Variants in ARL15 observed in about 807,000 individuals in gnomAD.
ARL15 encodes ADP-ribosylation factor-like protein 15.
ARL15 carries 19 observed loss-of-function variants against 25.2 expected under a neutral mutation model. That is an observed-to-expected ratio of 0.75 (90% confidence interval 0.53 to 1.10). ARL15 has a LOEUF of 1.10. Ranked by LOEUF, ARL15 falls within the 50% of genes least tolerant of loss-of-function variation. The pLI is 0.00. For missense variants in ARL15, 220 were observed against 246.0 expected (o/e 0.89, Z 0.71); for synonymous variants, 94 against 86.8 (o/e 1.08, Z -0.46).
Position 54,055,261 on chromosome 5 carries a change from CAT to C in ARL15, c.462+57939_462+57940del, listed in dbSNP as rs576890321. ...ATCTACAGTAAACGGCATAGTATGA[CAT>C]GTGGCCTTTTGTAAATGACTTTCTT... On this transcript the variant is annotated intron_variant, in intron 4 of 4. Coordinates refer to ENST00000504924, the MANE Select transcript of ARL15 (RefSeq NM_019087.3). 4.0e-4 allele frequency among the ~76,000 whole-genome samples: 61 copies of C among 151,060 alleles called. No individual in the cohort carries two copies. In the East Asian group the frequency reaches 0.011, roughly 27 times the overall value.
intron 1 of ARL15, among the ~76,000 whole-genome samples, chr5:54,233,134 A>G (rs577363325): frequency 1.4e-4 from 21 of 152,186 alleles, no homozygotes; most frequent in Non-Finnish European, 1.6e-4. Flanking sequence ...TGAAGCAGTA[A>G]ACTATCAATT....
At chr5:53,967,606 G>A (rs888406680) in intron 4 of ARL15, among the ~76,000 whole-genome samples, 2 of 152,178 alleles carry the variant, frequency 1.3e-5, no homozygotes, top group Non-Finnish European at 2.9e-5. Context: ...AATGGATCCA[G>A]TTTTGTACAT....
Position 53,944,252 on chromosome 5 carries a change from C to T in ARL15, c.463-57539G>A, listed in dbSNP as rs1746640624. Among the ~76,000 whole-genome samples the T allele has an allele frequency of 2.0e-5, 3 of 152,150 alleles. 1 individual carries two copies. The highest frequency in any genetic ancestry group is 4.2e-4 in the South Asian group (2 of 4,814). ...CTAGATATGGGGCTTTAGAAAAAGT[C>T]CACAAGGGAGTGGTTAAACAGCTTG... is the stretch of plus-strand genomic sequence containing the variant. On this transcript the variant is annotated intron_variant, in intron 4 of 4. Coordinates refer to ENST00000504924, the MANE Select transcript of ARL15 (RefSeq NM_019087.3).
chr5:54,079,106 A>T (rs56743275), intron 4 of ARL15, among the ~76,000 whole-genome samples: 5,565 of 152,262 alleles, frequency 0.037, 354 homozygotes, highest in African/African-American at 0.13. Context: ...TACAATTTAT[A>T]TAAAAATAAA....
chr5:53,970,515 C>A (rs370569402), intron 4 of ARL15, among the ~76,000 whole-genome samples: 4 of 151,596 alleles, frequency 2.6e-5, no homozygotes, highest in African/African-American at 7.3e-5. Flanking sequence ...AGAGAGAGAG[C>A]GAGAGAGAAC....
At chr5:54,069,713 T>C (rs1751360407) in intron 4 of ARL15, among the ~76,000 whole-genome samples, 2 of 151,872 alleles carry the variant, frequency 1.3e-5, no homozygotes, top group Non-Finnish European at 2.9e-5. Flanking sequence ...AGTGGCGCAA[T>C]CTCGGCTCAC....
At chr5:53,893,188 A>G (rs1304466271) in intron 4 of ARL15, among the ~76,000 whole-genome samples, 1 of 152,092 alleles carries the variant, frequency 6.6e-6, no homozygotes, top group Non-Finnish European at 1.5e-5. Flanking sequence ...GATTGTGTGC[A>G]TTCTCCTTCC....
At chr5:54,111,413 C>T (rs925569420) in intron 4 of ARL15, among the ~76,000 whole-genome samples, 1 of 152,018 alleles carries the variant, frequency 6.6e-6, no homozygotes, top group Non-Finnish European at 1.5e-5. Context: ...AGTCAACACA[C>T]ACAAGGAATA....
At chr5:53,968,849 C>A (rs1256964980) in intron 4 of ARL15, among the ~76,000 whole-genome samples, 1 of 151,818 alleles carries the variant, frequency 6.6e-6, no homozygotes, top group African/African-American at 2.4e-5. Context: ...TACCTGGGCA[C>A]ATCTTATATC....
chr5:54,217,830 G>A (rs1186016402), intron 1 of ARL15, among the ~76,000 whole-genome samples: 2 of 151,820 alleles, frequency 1.3e-5, no homozygotes, highest in Non-Finnish European at 2.9e-5. Flanking sequence ...ATTAAAAATC[G>A]GTATGTCATT....
chr5:54,178,978 G>A (rs1388391238), intron 1 of ARL15, among the ~76,000 whole-genome samples: 1 of 152,166 alleles, frequency 6.6e-6, no homozygotes, highest in African/African-American at 2.4e-5. Flanking sequence ...GCAGATATAA[G>A]TGACTTATGG....
intron 4 of ARL15, among the ~76,000 whole-genome samples, chr5:53,899,712 T>C (rs575110861): frequency 1.8e-4 from 27 of 152,332 alleles, no homozygotes; most frequent in Middle Eastern, 6.8e-3. Flanking sequence ...AGCATGGTTA[T>C]ACCTCTTATA....
intron 4 of ARL15, among the ~76,000 whole-genome samples, chr5:53,992,962 C>T (rs1274800209): frequency 6.6e-6 from 1 of 152,026 alleles, no homozygotes; most frequent in East Asian, 1.9e-4. Flanking sequence ...AGAAGAATCG[C>T]TTGAACCCGG....
At chr5:54,062,517 GAA>G (rs71577097) in intron 4 of ARL15, among the ~76,000 whole-genome samples, 5 of 113,464 alleles carry the variant, frequency 4.4e-5, no homozygotes, top group Non-Finnish European at 5.6e-5. Flanking sequence ...GGTGGTTAAG[GAA>G]AAAAAAAAAA....
At chr5:53,918,529 A>G (rs1402982862) in intron 4 of ARL15, among the ~76,000 whole-genome samples, 1 of 152,156 alleles carries the variant, frequency 6.6e-6, no homozygotes, top group East Asian at 1.9e-4. Flanking sequence ...TCAATTGCAT[A>G]ATAATCTAAA....
chr5:53,929,391 G>C (rs1395073037), intron 4 of ARL15, among the ~76,000 whole-genome samples: 2 of 152,280 alleles, frequency 1.3e-5, no homozygotes, highest in African/African-American at 4.8e-5. Flanking sequence ...GGGTCAAACA[G>C]AAGTCACGAT....
intron 1 of ARL15, among the ~76,000 whole-genome samples, chr5:54,182,353 A>C (rs1267967849): frequency 7.8e-6 from 1 of 128,498 alleles, no homozygotes; most frequent in East Asian, 2.2e-4. Flanking sequence ...ATCCAGTTTC[A>C]GCTTTCTACA....
At chr5:53,978,969 G>A (rs557686193) in intron 4 of ARL15, among the ~76,000 whole-genome samples, 2 of 152,254 alleles carry the variant, frequency 1.3e-5, no homozygotes, top group South Asian at 2.1e-4. Flanking sequence ...ATTTGTAAGG[G>A]TAGAATATTA....
At chr5:54,208,834 G>T (rs1188599875) in intron 1 of ARL15, among the ~76,000 whole-genome samples, 1 of 152,098 alleles carries the variant, frequency 6.6e-6, no homozygotes, top group Non-Finnish European at 1.5e-5. Flanking sequence ...ATGCAGCAGG[G>T]CTGGTCAACA....
Sources: gnomAD v4.1 joint callset for allele counts (sites outside exome capture counted in the v4.1 genomes callset) on GRCh38, gnomAD v4.1.1 for gene constraint, MANE v1.5 for transcripts, NCBI Gene and HGNC (gene_info 2026-07-23, HGNC 2026-07-21) for gene names.